The following WIPF3 variants were observed in gnomAD, a reference collection of about 807,000 sequenced individuals.
WIPF3 encodes WAS/WASL interacting protein family member 3, also known as WAS/WASL-interacting protein family member 3.
In WIPF3, 33 loss-of-function variants were observed where a neutral mutation model predicts 38.9. The ratio of observed to expected loss-of-function variants is 0.85; its 90% confidence interval spans 0.64 to 1.14. WIPF3 has a LOEUF of 1.14. WIPF3 is among the 50% of genes most tolerant of loss of function. The pLI, the probability that WIPF3 is intolerant of heterozygous loss-of-function variation, is 0.00. For missense variants in WIPF3, 711 were observed against 652.5 expected, an observed-to-expected ratio of 1.09 and a Z score of -0.98; for synonymous variants, 324 against 269.3, an observed-to-expected ratio of 1.20 and a Z score of -1.99.
At chr7:29,902,853 G>T (rs1454328957) in intron 7 of WIPF3, among the ~76,000 whole-genome samples, 1 of 119,150 alleles carries the variant, frequency 8.4e-6, no homozygotes, top group Non-Finnish European at 1.9e-5. Flanking sequence ...AAACAAAAAA[G>T]AGCGTGTTTT....
At chr7:29,881,366 A>G (rs1785712040) in intron 4 of WIPF3, among the ~76,000 whole-genome samples, 1 of 152,232 alleles carries the variant, frequency 6.6e-6, no homozygotes, top group Non-Finnish European at 1.5e-5. Context: ...GCAGGTGCTC[A>G]GTAAATACTT....
chr7:29,812,558 T>C (rs1784396632), intron 1 of WIPF3, among the ~76,000 whole-genome samples: 1 of 152,234 alleles, frequency 6.6e-6, no homozygotes, highest in South Asian at 2.1e-4. Context: ...CTTCTATTAG[T>C]GAGGTTTTAC....
In WIPF3 at chr7:29,889,349, TC is replaced by T; in HGVS notation, c.1298del (p.Pro433LeufsTer47). 6.2e-7 allele frequency: 1 copy of T among 1,613,892 alleles called. No individual in the cohort carries two copies. The highest frequency in any genetic ancestry group is 8.5e-7 in the Non-Finnish European group (1 of 1,179,866). On this transcript the variant is annotated frameshift_variant, in exon 7 of 9. Coordinates refer to ENST00000242140, the MANE Select transcript of WIPF3 (RefSeq NM_001080529.3). LOFTEE classifies it high-confidence loss of function. ...KFTFHSVEDF[P>X]PPDEYKPCQK... The stretch of plus-strand genomic sequence containing the variant: ...TCACGTTCCATTCTGTGGAAGACTT[TC>T]CCCCTCCGGATGAATATAAACCATG...
At chr7:29,890,596 C>T (rs556679830) in intron 7 of WIPF3, among the ~76,000 whole-genome samples, 1 of 152,346 alleles carries the variant, frequency 6.6e-6, no homozygotes, top group Non-Finnish European at 1.5e-5. Flanking sequence ...GCTCTTTGCC[C>T]GTCTTCTTTC....
intron 2 of WIPF3, among the ~76,000 whole-genome samples, chr7:29,845,187 T>C (rs970253158): frequency 5.9e-5 from 9 of 152,110 alleles, no homozygotes; most frequent in African/African-American, 2.2e-4. Flanking sequence ...AGAATCAGCA[T>C]GGAAAAAGAA....
At chr7:29,891,865 C>T (rs891868321) in intron 7 of WIPF3, among the ~76,000 whole-genome samples, 16 of 152,222 alleles carry the variant, frequency 1.1e-4, no homozygotes, top group Admixed American at 9.8e-4. Flanking sequence ...CACAGTTCCA[C>T]GTGGGTGGGA....
intron 2 of WIPF3, among the ~76,000 whole-genome samples, chr7:29,853,757 A>G (rs1313410531): frequency 6.6e-6 from 1 of 152,178 alleles, no homozygotes; most frequent in Non-Finnish European, 1.5e-5. Context: ...AATACTACCT[A>G]TCTCATTATG....
intron 1 of WIPF3, among the ~76,000 whole-genome samples, chr7:29,826,473 G>C (rs939333110): frequency 1.3e-5 from 2 of 152,136 alleles, no homozygotes; most frequent in African/African-American, 4.8e-5. Flanking sequence ...CCCAAAGCCT[G>C]GTTTAGGTAT....
intron 1 of WIPF3, among the ~76,000 whole-genome samples, chr7:29,824,165 G>A (rs528966364): frequency 2.6e-5 from 4 of 152,210 alleles, no homozygotes; most frequent in South Asian, 2.1e-4. Context: ...AAATAGGTCC[G>A]GGCATGGTGG....
intron 4 of WIPF3, among the ~76,000 whole-genome samples, chr7:29,882,503 C>G (rs904934063): frequency 5.3e-5 from 8 of 152,190 alleles, no homozygotes; most frequent in African/African-American, 1.9e-4. Context: ...CACATTATAG[C>G]CAGAGGGGCT....
chr7:29,830,195 G>A (rs1165578482), intron 1 of WIPF3, among the ~76,000 whole-genome samples: 1 of 151,758 alleles, frequency 6.6e-6, no homozygotes, highest in Non-Finnish European at 1.5e-5. Context: ...ACTTCAGCGA[G>A]GCAGCATCTC....
chr7:29,889,689 T>G (rs1785965769), intron 7 of WIPF3, among the ~76,000 whole-genome samples: 2 of 152,180 alleles, frequency 1.3e-5, no homozygotes, highest in Admixed American at 6.5e-5. Context: ...CCCTGGGGCT[T>G]TTGATAAGGG....
chr7:29,815,326 G>T (rs964719673), intron 1 of WIPF3, among the ~76,000 whole-genome samples: 2 of 152,118 alleles, frequency 1.3e-5, no homozygotes, highest in African/African-American at 4.8e-5. Flanking sequence ...GCTTTTGCTC[G>T]ACTCTTTGTT....
chr7:29,907,864 A>G (rs1049880832), intron 8 of WIPF3, among the ~76,000 whole-genome samples: 1 of 152,226 alleles, frequency 6.6e-6, no homozygotes, highest in Non-Finnish European at 1.5e-5. Context: ...GAAAATAGCT[A>G]TAGAATATAT....
At chr7:29,876,989 CTT>C (rs985958854) in intron 3 of WIPF3, among the ~76,000 whole-genome samples, 2 of 152,004 alleles carry the variant, frequency 1.3e-5, no homozygotes. Flanking sequence ...ATGCAGAACT[CTT>C]TAGTACAGAT....
intron 2 of WIPF3, among the ~76,000 whole-genome samples, chr7:29,841,164 C>T (rs1784906319): frequency 6.6e-6 from 1 of 152,154 alleles, no homozygotes; most frequent in Non-Finnish European, 1.5e-5. Flanking sequence ...TATATGTAAT[C>T]TTTGTAAGAT....
At chr7:29,811,415 C>T (rs755854420) in intron 1 of WIPF3, among the ~76,000 whole-genome samples, 10 of 152,052 alleles carry the variant, frequency 6.6e-5, no homozygotes, top group African/African-American at 1.9e-4. Context: ...AGGGAACACA[C>T]GGGTTAGAAA....
chr7:29,868,083 C>T (rs1484487048), intron 2 of WIPF3, among the ~76,000 whole-genome samples: 1 of 152,130 alleles, frequency 6.6e-6, no homozygotes, highest in Non-Finnish European at 1.5e-5. Context: ...TGTGCCTTGG[C>T]AGCGGAAAAG....
intron 4 of WIPF3, among the ~76,000 whole-genome samples, chr7:29,880,280 T>C (rs1366077861): frequency 6.6e-6 from 1 of 152,202 alleles, no homozygotes; most frequent in Admixed American, 6.5e-5. Context: ...ATGCGACTTT[T>C]CTAACTTTTT....
Sources: gnomAD v4.1 joint callset for allele counts (sites outside exome capture counted in the v4.1 genomes callset) on GRCh38, gnomAD v4.1.1 for gene constraint, MANE v1.5 for transcripts, NCBI Gene and HGNC (gene_info 2026-07-23, HGNC 2026-07-21) for gene names.